Variants in ARID1B observed in about 807,000 individuals in gnomAD.
ARID1B encodes the protein AT-rich interactive domain-containing protein 1B.
In ARID1B, 30 loss-of-function variants were observed where a neutral mutation model predicts 212.3. The observed-to-expected ratio is 0.14, with a 90% confidence interval of 0.11 to 0.19. The LOEUF (loss-of-function observed/expected upper bound fraction) is 0.19. ARID1B is among the 10% of genes least tolerant of loss of function. ARID1B has a pLI of 1.00. For missense variants in ARID1B, 2,891 were observed against 3,204.0 expected (o/e 0.90, Z 2.36); for synonymous variants, 1,402 against 1,301.7 (o/e 1.08, Z -1.66).
At chr6:156,989,001 A>G (rs946926996) in intron 4 of ARID1B, among the ~76,000 whole-genome samples, 1 of 152,186 alleles carries the variant, frequency 6.6e-6, no homozygotes, top group Non-Finnish European at 1.5e-5. Context: ...CATTAAGGCC[A>G]TGTTGTCACA....
intron 13 of ARID1B, among the ~76,000 whole-genome samples, chr6:157,188,372 C>G (rs1023219663): frequency 6.6e-6 from 1 of 152,154 alleles, no homozygotes; most frequent in Non-Finnish European, 1.5e-5. Context: ...CTGGGCAGAC[C>G]TCATCTGGCT....
chr6:156,779,893 C>A (rs1477307701), intron 1 of ARID1B, among the ~76,000 whole-genome samples: 2 of 152,182 alleles, frequency 1.3e-5, no homozygotes, highest in East Asian at 3.9e-4. Context: ...GTTCTGGGAG[C>A]GCCCACAATG....
At chr6:156,965,493 C>T (rs570777923) in intron 4 of ARID1B, among the ~76,000 whole-genome samples, 2 of 152,212 alleles carry the variant, frequency 1.3e-5, no homozygotes, top group Middle Eastern at 3.4e-3. Context: ...GTTTAGTAGG[C>T]GTTAACTGAA....
chr6:157,103,618 C>T (rs1425293458), intron 5 of ARID1B, among the ~76,000 whole-genome samples: 2 of 152,070 alleles, frequency 1.3e-5, no homozygotes, highest in South Asian at 4.1e-4. Flanking sequence ...ATACTAAAAT[C>T]CCAGAGTTAT....
intron 4 of ARID1B, among the ~76,000 whole-genome samples, chr6:156,973,017 A>T (rs1252445913): frequency 1.3e-5 from 2 of 152,214 alleles, no homozygotes; most frequent in African/African-American, 4.8e-5. Flanking sequence ...TATTATATAA[A>T]ACCATATATA....
rs1175861173 is a variant in ARID1B at position 156,966,998 on chromosome 6, C to CT, written c.2247+31423dup. Among the ~76,000 whole-genome samples the CT allele has an allele frequency of 1.9e-3, 290 of 152,334 alleles. 1 individual carries two copies. The highest frequency in any genetic ancestry group is 6.4e-3 in the African/African-American group (265 of 41,580). On this transcript the variant is annotated intron_variant, in intron 4 of 19. Coordinates refer to ENST00000636930, the MANE Select transcript of ARID1B (RefSeq NM_001374828.1). ...TACAGGCATGAGCCACCATGTCCTG[C>CT]TATAAATAACTTTTAATAGGCTCTT...
intron 9 of ARID1B, chr6:157,167,606 T>G (rs1791426803): frequency 6.3e-6 from 1 of 159,726 alleles, no homozygotes; most frequent in African/African-American, 2.4e-5. Flanking sequence ...ACTTTTTACA[T>G]TTAGGGAAAC....
At position 156,989,823 on chromosome 6, in the gene ARID1B, G is replaced by GTAGA. The variant is rs113477295; in HGVS notation, c.2247+54249_2247+54252dup. The stretch of plus-strand genomic sequence containing the variant: ...GATGGTGGGAGTGGCAGTAGCAGTG[G>GTAGA]TAGATGTATGTTACCTCCCGGGTGA... On this transcript the variant is annotated intron_variant, in intron 4 of 19. Coordinates refer to ENST00000636930, the MANE Select transcript of ARID1B (RefSeq NM_001374828.1). Among the ~76,000 whole-genome samples the GTAGA allele has an allele frequency of 3.9e-3, 594 of 152,290 alleles. 3 individuals are homozygous for GTAGA. Among genetic ancestry groups the GTAGA allele is most frequent in the African/African-American group, 0.013 (561 of 41,558 alleles).
At position 157,210,631 on chromosome 6, in the gene ARID1B, T is replaced by TA. The variant is rs1341807804; in HGVS notation, c.*2745dup. 6 of 222,830 alleles carry TA rather than the reference T, an allele frequency of 2.7e-5. No homozygotes were observed. Among genetic ancestry groups the TA allele is most frequent in the Non-Finnish European group, 4.4e-5 (5 of 114,336 alleles). 13.8% of individuals were successfully genotyped at this position (222,830 alleles called of 1,614,324 possible). ...TATAAACTGAGTTATTGCTTTGTCC[T>TA]AAAAATTAGTCGGTTTTTTTTTTTC... is the stretch of plus-strand genomic sequence containing the variant. On this transcript the variant is annotated 3_prime_UTR_variant, in exon 20 of 20. Transcript: ENST00000636930.
rs777151757 is a variant in ARID1B at position 157,207,974 on chromosome 6, G to A, written c.*83G>A. The A allele has an allele frequency of 2.5e-4, 343 of 1,355,236 alleles. No homozygotes were observed. Among genetic ancestry groups the A allele is most frequent in the Non-Finnish European group, 3.0e-4 (315 of 1,043,768 alleles). The allele number at this position is 1,355,236 out of a possible 1,614,324, so 84.0% of individuals were successfully genotyped here. On this transcript the variant is annotated 3_prime_UTR_variant, in exon 20 of 20. Coordinates refer to ENST00000636930, the MANE Select transcript of ARID1B (RefSeq NM_001374828.1). The surrounding 1 kb of genome is among the most constrained non-coding windows in gnomAD (Gnocchi z 8.5). Reference sequence around the variant, plus strand: ...TGTTTTCTGTTCTTGTTTATCCAGCGTAGGAAGAAGGAAAAGAAAATCTTT... The same window carrying A: ...TGTTTTCTGTTCTTGTTTATCCAGCATAGGAAGAAGGAAAAGAAAATCTTT...
chr6:156,948,876 G>T (rs1793368477), intron 4 of ARID1B, among the ~76,000 whole-genome samples: 1 of 152,164 alleles, frequency 6.6e-6, no homozygotes, highest in African/African-American at 2.4e-5. Context: ...TATCTTCAGA[G>T]AACCACGTAC....
intron 4 of ARID1B, chr6:156,938,418 A>G (rs1382656968): frequency 2.0e-5 from 3 of 152,272 alleles, no homozygotes; most frequent in African/African-American, 7.2e-5. Context: ...CTGTTGTGCT[A>G]TGGTTTTCCT....
At chr6:156,848,710 CA>C (rs1554259014) in intron 2 of ARID1B, among the ~76,000 whole-genome samples, 1 of 152,190 alleles carries the variant, frequency 6.6e-6, no homozygotes, top group Non-Finnish European at 1.5e-5. Context: ...CCAGCTGGCC[CA>C]AGGCCAGGCT....
At chr6:156,890,628 T>C (rs1055128793) in intron 2 of ARID1B, among the ~76,000 whole-genome samples, 2 of 152,190 alleles carry the variant, frequency 1.3e-5, no homozygotes, top group African/African-American at 4.8e-5. Flanking sequence ...GTGAGAGCCA[T>C]GGACCCAGCT....
intron 5 of ARID1B, among the ~76,000 whole-genome samples, chr6:157,105,801 C>G (rs1013756746): frequency 2.0e-5 from 3 of 152,036 alleles, no homozygotes; most frequent in African/African-American, 7.2e-5. Flanking sequence ...GGGGTTTCAC[C>G]ATGTTGGTCA....
chr6:157,098,101 TGAG>T (rs1041595917), intron 5 of ARID1B, among the ~76,000 whole-genome samples: 22 of 152,120 alleles, frequency 1.4e-4, no homozygotes, highest in Admixed American at 6.5e-4. Context: ...GGAAAAATAT[TGAG>T]GAGGAATAAG....
chr6:157,187,523 G>A (rs1793055001), intron 13 of ARID1B, among the ~76,000 whole-genome samples: 1 of 152,110 alleles, frequency 6.6e-6, no homozygotes, highest in Admixed American at 6.5e-5. Context: ...GCTCAACCCC[G>A]CCAGAACTAG....
At chr6:156,840,974 C>G (rs1047453328) in intron 2 of ARID1B, among the ~76,000 whole-genome samples, 3 of 152,156 alleles carry the variant, frequency 2.0e-5, no homozygotes, top group Non-Finnish European at 4.4e-5. Flanking sequence ...TTCTTCATCC[C>G]AACACCAGTC....
intron 4 of ARID1B, among the ~76,000 whole-genome samples, chr6:157,039,590 A>G (rs1002669602): frequency 1.3e-5 from 2 of 150,458 alleles, no homozygotes; most frequent in Non-Finnish European, 3.0e-5. Flanking sequence ...GTCGGCAAGT[A>G]TATTTTTGAA....
Sources: gnomAD v4.1 joint callset for allele counts (sites outside exome capture counted in the v4.1 genomes callset) on GRCh38, gnomAD v4.1.1 for gene constraint, Gnocchi (gnomAD v3.1) non-coding constraint, MANE v1.5 for transcripts, NCBI Gene and HGNC (gene_info 2026-07-23, HGNC 2026-07-21) for gene names.